The following MGAT5 variants were observed in gnomAD, a reference collection of about 807,000 sequenced individuals.
MGAT5 encodes alpha-1,6-mannosylglycoprotein 6-beta-N-acetylglucosaminyltransferase.
A neutral mutation model predicts 94.3 loss-of-function variants in MGAT5; 30 were observed. The observed-to-expected ratio is 0.32, with a 90% CI of 0.24 to 0.43. The LOEUF (loss-of-function observed/expected upper bound fraction) is 0.43. MGAT5 is among the 20% of genes least tolerant of loss of function. The pLI, the probability that MGAT5 is intolerant of heterozygous loss-of-function variation, is 1.00. For synonymous variants in MGAT5, 310 were observed against 322.9 expected (o/e 0.96, Z 0.43); for missense variants, 691 against 905.5 (o/e 0.76, Z 3.04).
chr2:134,206,156 A>G (rs1234135930), intron 1 of MGAT5, among the ~76,000 whole-genome samples: 1 of 152,230 alleles, frequency 6.6e-6, no homozygotes, highest in Non-Finnish European at 1.5e-5. Context: ...AATGAATGTC[A>G]GTTCCTTTTT....
At chr2:134,227,102 A>G (rs1681104760) in intron 1 of MGAT5, among the ~76,000 whole-genome samples, 1 of 152,052 alleles carries the variant, frequency 6.6e-6, no homozygotes, top group Non-Finnish European at 1.5e-5. Flanking sequence ...GTATATCCTT[A>G]TCAATGAGTG....
chr2:134,303,758 C>T lies in MGAT5; in HGVS notation c.407-13771C>T, dbSNP rs181843373. On this transcript the variant is annotated intron_variant, in intron 2 of 15. Coordinates refer to ENST00000281923, the MANE Select transcript of MGAT5 (RefSeq NM_002410.5). ...TTTATATACAGACTTTGGGGTTCTC[C>T]TCTTTGGGCTCCCTCTTTTTGGGAA... 2.4e-3 allele frequency among the ~76,000 whole-genome samples: 369 copies of T among 152,260 alleles called. 14 individuals carry two copies. Among genetic ancestry groups the T allele is most frequent in the Admixed American group, 0.024 (367 of 15,270 alleles).
intron 10 of MGAT5, among the ~76,000 whole-genome samples, chr2:134,373,020 A>T (rs1680915560): frequency 6.6e-6 from 1 of 152,214 alleles, no homozygotes; most frequent in Non-Finnish European, 1.5e-5. Context: ...GGATGAGTTC[A>T]TTTGTAGCTC....
At chr2:134,190,273 T>A (rs1689298902) in intron 1 of MGAT5, among the ~76,000 whole-genome samples, 1 of 152,236 alleles carries the variant, frequency 6.6e-6, no homozygotes, top group Non-Finnish European at 1.5e-5. Flanking sequence ...TGGTCTTCCC[T>A]GCTATCTCAG....
At chr2:134,382,914 T>G (rs1681724111) in intron 10 of MGAT5, among the ~76,000 whole-genome samples, 1 of 152,364 alleles carries the variant, frequency 6.6e-6, no homozygotes, top group Non-Finnish European at 1.5e-5. Flanking sequence ...TTATGTAGTA[T>G]CATTAACACA....
chr2:134,300,637 G>A (rs183984454), intron 2 of MGAT5, among the ~76,000 whole-genome samples: 261 of 152,174 alleles, frequency 1.7e-3, no homozygotes, highest in African/African-American at 5.3e-3. Flanking sequence ...TTAGTTTTAT[G>A]CACTTTTGTA....
intron 1 of MGAT5, among the ~76,000 whole-genome samples, chr2:134,238,038 T>C (rs2680730): frequency 0.68 from 102,827 of 151,908 alleles, 35,815 homozygotes; most frequent in Non-Finnish European, 0.77. Context: ...CGTGAGCCAC[T>C]GCGCCCGGCC....
intron 1 of MGAT5, among the ~76,000 whole-genome samples, chr2:134,189,599 TTTG>T (rs1400492504): frequency 4.2e-4 from 32 of 76,912 alleles, no homozygotes; most frequent in African/African-American, 1.5e-3. Context: ...CTAGTTTTTT[TTTG>T]TTTTTTTTTT....
intron 2 of MGAT5, among the ~76,000 whole-genome samples, chr2:134,301,431 A>G (rs1175787392): frequency 6.6e-6 from 1 of 152,174 alleles, no homozygotes; most frequent in Non-Finnish European, 1.5e-5. Context: ...TAGGAATTAT[A>G]GTGATATCCC....
intron 10 of MGAT5, among the ~76,000 whole-genome samples, chr2:134,383,448 AAGG>A (rs904855548): frequency 7.2e-5 from 11 of 152,204 alleles, no homozygotes; most frequent in African/African-American, 2.4e-4. Flanking sequence ...CAAGCACTGA[AAGG>A]AGAGTATTAG....
At chr2:134,362,850 G>T (rs1278629680) in intron 10 of MGAT5, among the ~76,000 whole-genome samples, 1 of 152,184 alleles carries the variant, frequency 6.6e-6, no homozygotes, top group Non-Finnish European at 1.5e-5. Flanking sequence ...ACATCCTCTT[G>T]GCTATAGTCA....
intron 2 of MGAT5, among the ~76,000 whole-genome samples, chr2:134,289,563 T>C (rs1456623782): frequency 6.6e-6 from 1 of 152,254 alleles, no homozygotes; most frequent in Non-Finnish European, 1.5e-5. Flanking sequence ...AAAGGTCTGC[T>C]TGCAAGACTA....
chr2:134,331,893 C>T (rs1687997780), intron 4 of MGAT5, among the ~76,000 whole-genome samples: 1 of 151,930 alleles, frequency 6.6e-6, no homozygotes, highest in Non-Finnish European at 1.5e-5. Context: ...GAACTACAAA[C>T]CACTGCTCAA....
chr2:134,139,211 T>G (rs1432734567), intron 1 of MGAT5, among the ~76,000 whole-genome samples: 1 of 152,232 alleles, frequency 6.6e-6, no homozygotes, highest in Non-Finnish European at 1.5e-5. Flanking sequence ...ATTGTTTGTT[T>G]AAAAGAATGG....
intron 9 of MGAT5, among the ~76,000 whole-genome samples, chr2:134,350,289 T>C (rs1490227682): frequency 1.3e-5 from 2 of 152,210 alleles, no homozygotes; most frequent in Non-Finnish European, 2.9e-5. Context: ...GTACACTTTG[T>C]CACTAATGAG....
At chr2:134,378,509 A>ACT (rs1164551931) in intron 10 of MGAT5, among the ~76,000 whole-genome samples, 1 of 151,304 alleles carries the variant, frequency 6.6e-6, no homozygotes, top group African/African-American at 2.4e-5. Flanking sequence ...TGTGCCATTT[A>ACT]CTCTCTCTGT....
chr2:134,355,048 G>A (rs72980005), intron 9 of MGAT5, among the ~76,000 whole-genome samples: 4,420 of 152,166 alleles, frequency 0.029, 225 homozygotes, highest in African/African-American at 0.1. Context: ...CTCAACTCCC[G>A]ACCATATTCC....
chr2:134,306,456 G>A (rs745802820), intron 2 of MGAT5, among the ~76,000 whole-genome samples: 46 of 152,078 alleles, frequency 3.0e-4, no homozygotes, highest in Non-Finnish European at 4.4e-5. Context: ...ACCAAGCATT[G>A]TGACAAAATT....
At chr2:134,319,911 T>A (rs776422856) in intron 4 of MGAT5, 6 of 253,668 alleles carry the variant, frequency 2.4e-5, no homozygotes, top group Non-Finnish European at 4.8e-5. Context: ...CTCTTATCTT[T>A]TAGAGCACTT....
Sources: allele counts gnomAD v4.1 joint callset (sites outside exome capture counted in the v4.1 genomes callset), GRCh38; gene constraint gnomAD v4.1.1; transcripts MANE v1.5; gene names NCBI Gene and HGNC (gene_info 2026-07-23, HGNC 2026-07-21).